MED23: variants seen among roughly 807,000 people sequenced by gnomAD.
The protein encoded by MED23 is mediator of RNA polymerase II transcription subunit 23.
A neutral mutation model predicts 163.9 loss-of-function variants in MED23; 105 were observed. That is an observed-to-expected ratio of 0.64 (90% CI 0.55 to 0.75). The LOEUF (loss-of-function observed/expected upper bound fraction) is 0.75. MED23 is among the 30% of genes least tolerant of loss of function. MED23 has a pLI of 0.00. For synonymous variants in MED23, 561 were observed against 565.6 expected, an observed-to-expected ratio of 0.99 and a Z score of 0.12; for missense variants, 1,054 against 1,649.0, an observed-to-expected ratio of 0.64 and a Z score of 6.25.
chr6:131,600,175 A>G lies in MED23; in HGVS notation c.2096-13T>C, dbSNP rs565907140. 3.0e-5 allele frequency: 48 copies of G among 1,590,906 alleles called. No homozygotes were observed. The African/African-American group carries it at 5.5e-4, about 18-fold the overall frequency. ...CCTGTAAAAAAATCTAAACATAAAC[A>G]AATAGATGTAATCCAGATATAAATG... On this transcript the variant is annotated splice_polypyrimidine_tract_variant and intron_variant, in intron 17 of 28. Coordinates refer to ENST00000368068, the MANE Select transcript of MED23 (RefSeq NM_004830.4).
rs777057285 is a variant in MED23, at chr6:131,594,261, G to T, written c.3070C>A (p.Arg1024=). The T allele has an allele frequency of 6.2e-7, 1 of 1,614,134 alleles. No homozygotes were observed. The highest frequency in any genetic ancestry group is 8.5e-7 in the Non-Finnish European group (1 of 1,180,014). The change falls in exon 23 of 29, where the codon CGA becomes AGA. Residue 1024 remains arginine (R), a synonymous_variant. Coordinates refer to ENST00000368068, the MANE Select transcript of MED23 (RefSeq NM_004830.4). ...CCAATGATCGCATGGACGAGTTTTC[G>T]TTTGAGAAATGCGCGGTCTCTCAGG... ...MHLRDRAFLK[R]KLVHAIIGSL...
intron 5 of MED23, 42 bp from the exon 6 acceptor site, chr6:131,622,021 C>T: frequency 7.0e-7 from 1 of 1,425,594 alleles, no homozygotes; most frequent in East Asian, 2.3e-5. Context: ...TAAGTAGTGT[C>T]TACTGTGTTA....
At chr6:131,617,925 G>A (rs1034613966) in intron 9 of MED23, among the ~76,000 whole-genome samples, 5 of 152,158 alleles carry the variant, frequency 3.3e-5, no homozygotes, top group Admixed American at 6.5e-5. Context: ...ATCATTGTAA[G>A]GAAGTAATTT....
At chr6:131,587,893 A>C (rs1585442275) in intron 28 of MED23, 47 bp from the exon 29 acceptor site, 5 of 1,498,628 alleles carry the variant, frequency 3.3e-6, no homozygotes, top group Non-Finnish European at 3.7e-6. Flanking sequence ...AGAGAATTTC[A>C]ACTTCTCACA....
chr6:131,597,475 C>CAAAAAAA (rs59083644), intron 20 of MED23, among the ~76,000 whole-genome samples: 78 of 53,414 alleles, frequency 1.5e-3, no homozygotes, highest in African/African-American at 3.3e-3. Context: ...GACTCCATAT[C>CAAAAAAA]AAAAAAAAAA....
At chr6:131,581,203 ATT>A in intron 30 of MED23, 1 of 1,613,588 alleles carries the variant, frequency 6.2e-7, no homozygotes, top group Non-Finnish European at 8.5e-7. Context: ...TTCACACAAA[ATT>A]TTTTCCCCAA....
At chr6:131,590,769 C>G (rs954397768) in intron 26 of MED23, among the ~76,000 whole-genome samples, 4 of 151,900 alleles carry the variant, frequency 2.6e-5, no homozygotes, top group African/African-American at 7.3e-5. Flanking sequence ...CAGGTGCACA[C>G]CACCACGCCT....
intron 30 of MED23, among the ~76,000 whole-genome samples, chr6:131,577,785 G>T (rs553896451): frequency 6.6e-6 from 1 of 151,538 alleles, no homozygotes; most frequent in Non-Finnish European, 1.5e-5. Flanking sequence ...TGAGCCTGTA[G>T]TCCCAGCTAC....
rs1774623863 is a variant in MED23 at position 131,591,406 on chromosome 6, T to C, written c.3593A>G (p.Gln1198Arg). The C allele has an allele frequency of 1.2e-6, 2 of 1,613,806 alleles. No homozygotes were observed. The highest frequency in any genetic ancestry group is 2.7e-5 in the African/African-American group (2 of 74,916). ...GCTACAACTCATCTCAGAGTAGGAC[T>C]GATGACAGGCAGTGAAATCAAAGAG... ...FRLFDFTACH[Q>R]SYSEMSCSYT... Residue 1198 changes from glutamine to arginine, a missense_variant, in exon 26 of 29, where the codon CAG becomes CGG. Transcript: ENST00000368068.
intron 20 of MED23, among the ~76,000 whole-genome samples, chr6:131,597,919 C>T (rs535518056): frequency 6.6e-6 from 1 of 151,916 alleles, no homozygotes; most frequent in Non-Finnish European, 1.5e-5. Context: ...AACCCCATCT[C>T]TATAAAAAAG....
At chr6:131,583,638 G>C (rs1427207715), downstream of MED23, 1 of 1,520,092 alleles carries the variant, frequency 6.6e-7, no homozygotes, top group African/African-American at 1.4e-5. Flanking sequence ...TTTTCCATCG[G>C]TTACTACCTT....
At chr6:131,597,815 G>C (rs1211009814) in intron 20 of MED23, among the ~76,000 whole-genome samples, 8 of 152,216 alleles carry the variant, frequency 5.3e-5, no homozygotes, top group Admixed American at 5.2e-4. Context: ...GCTGGAAGCA[G>C]TAGCTCACGC....
chr6:131,583,767 G>A (rs1165610556), downstream of MED23: 1 of 1,613,858 alleles, frequency 6.2e-7, no homozygotes, highest in African/African-American at 1.3e-5. Flanking sequence ...TAGATATAAT[G>A]GAAGTGAACC....
chr6:131,580,563 T>C (rs533761321), intron 30 of MED23, among the ~76,000 whole-genome samples: 1 of 152,340 alleles, frequency 6.6e-6, no homozygotes, highest in South Asian at 2.1e-4. Context: ...AACTTTTAAC[T>C]TCTGTGCAAG....
intron 8 of MED23, 46 bp downstream of exon 8, chr6:131,619,781 A>C (rs748002635): frequency 1.5e-5 from 20 of 1,353,042 alleles, no homozygotes; most frequent in Admixed American, 6.7e-5. Context: ...TAATTAGATT[A>C]CTAAAAATCA....
chr6:131,609,838 C>G (rs896979370), intron 11 of MED23, among the ~76,000 whole-genome samples: 2 of 151,194 alleles, frequency 1.3e-5, no homozygotes, highest in African/African-American at 4.9e-5. Context: ...CTGGTGCCTG[C>G]ACTGAGAATA....
chr6:131,579,343 T>A (rs1194568857), intron 30 of MED23: 1 of 1,582,268 alleles, frequency 6.3e-7, no homozygotes, highest in Non-Finnish European at 8.6e-7. Flanking sequence ...ACCAAGGCCA[T>A]AAGAAGAGAG....
intron 28 of MED23, among the ~76,000 whole-genome samples, chr6:131,589,136 C>CA (rs1774397527): frequency 6.6e-6 from 1 of 152,156 alleles, no homozygotes; most frequent in South Asian, 2.1e-4. Context: ...CATAACACAA[C>CA]AACCTCTCTG....
chr6:131,599,893 GC>G (rs1775339844), intron 18 of MED23, 144 bp downstream of exon 18: 2 of 974,546 alleles, frequency 2.1e-6, no homozygotes, highest in Admixed American at 4.4e-5. Flanking sequence ...AGAGGCTTGT[GC>G]CACCATGCCC....
Sources: allele counts gnomAD v4.1 joint callset (sites outside exome capture counted in the v4.1 genomes callset), GRCh38; gene constraint gnomAD v4.1.1; transcripts MANE v1.5; gene names NCBI Gene and HGNC (gene_info 2026-07-23, HGNC 2026-07-21).